The following ACACB variants were observed in gnomAD, a reference collection of about 807,000 sequenced individuals.
ACACB encodes acetyl-CoA carboxylase beta, also known as acetyl-CoA carboxylase 2.
In ACACB, 209 loss-of-function variants were observed where a neutral mutation model predicts 278.8. The ratio of observed to expected loss-of-function variants is 0.75; its 90% CI spans 0.67 to 0.84. The LOEUF is 0.84. ACACB is among the 40% of genes least tolerant of loss of function. The pLI is 0.00. For synonymous variants in ACACB, 1,174 were observed against 1,285.6 expected (o/e 0.91, Z 1.86); for missense variants, 2,850 against 3,269.0 (o/e 0.87, Z 3.13).
At chr12:109,215,278 G>GTT (rs530444723) in intron 22 of ACACB, among the ~76,000 whole-genome samples, 1 of 147,254 alleles carries the variant, frequency 6.8e-6, no homozygotes, top group Non-Finnish European at 1.5e-5. Context: ...AATCTATGAA[G>GTT]TTTTTTTTTT....
intron 26 of ACACB, among the ~76,000 whole-genome samples, 169 bp downstream of exon 26, chr12:109,223,081 C>T (rs1157236023): frequency 6.6e-6 from 1 of 152,096 alleles, no homozygotes; most frequent in Non-Finnish European, 1.5e-5. Flanking sequence ...CGAGGGGTCA[C>T]CTGGGGAGAC....
chr12:109,260,199 T>A, intron 47 of ACACB: 1 of 1,420,950 alleles, frequency 7.0e-7, no homozygotes, highest in South Asian at 1.1e-5. Context: ...GCAGGGACAG[T>A]CATGGGTGAG....
chr12:109,208,038 T>G (rs1319526402), intron 20 of ACACB, among the ~76,000 whole-genome samples: 2 of 152,004 alleles, frequency 1.3e-5, no homozygotes, highest in African/African-American at 4.8e-5. Context: ...ACCGATAAGG[T>G]AGGAACTCTT....
At chr12:109,133,015 T>G (rs2042869043) in intron 1 of ACACB, among the ~76,000 whole-genome samples, 1 of 152,050 alleles carries the variant, frequency 6.6e-6, no homozygotes, top group African/African-American at 2.4e-5. Context: ...CCACTCACCT[T>G]CTCTCTCCAC....
chr12:109,158,070 G>GACAT (rs1298018941), intron 2 of ACACB, among the ~76,000 whole-genome samples: 1 of 152,148 alleles, frequency 6.6e-6, no homozygotes. Flanking sequence ...CTACCCCCTA[G>GACAT]ACATGCTGAT....
At position 109,167,621 on chromosome 12, in the gene ACACB, GTATATATA is replaced by G. The variant is rs1216217057; in HGVS notation, c.787-249_787-242del. Among the ~76,000 whole-genome samples, 225 of 77,528 alleles carry G rather than the reference GTATATATA, an allele frequency of 2.9e-3. 4 individuals carry two copies. The highest frequency in any genetic ancestry group is 8.2e-3 in the African/African-American group (162 of 19,744). The allele number at this position is 77,528 out of a possible 152,430, so 50.9% of individuals were successfully genotyped here. A position where few individuals can be genotyped will look rare whatever the true frequency, so the allele number is the denominator to read the frequency against. On this transcript the variant is annotated intron_variant, in intron 3 of 52. Coordinates refer to ENST00000338432, the MANE Select transcript of ACACB (RefSeq NM_001093.4). The stretch of plus-strand genomic sequence containing the variant: ...CTCAAAAAAAAAAATATATGTATGT[GTATATATA>G]TATATATATATATATATATATATAT...
chr12:109,190,763 G>A (rs1203570525), intron 13 of ACACB, among the ~76,000 whole-genome samples: 2 of 151,930 alleles, frequency 1.3e-5, no homozygotes, highest in African/African-American at 4.8e-5. Context: ...GAGTAGCTGG[G>A]ACTACAGTCA....
chr12:109,214,500 A>G (rs1223031585), intron 22 of ACACB, among the ~76,000 whole-genome samples: 1 of 152,226 alleles, frequency 6.6e-6, no homozygotes, highest in African/African-American at 2.4e-5. Context: ...ATAGACTGCT[A>G]ACCTTAAGCC....
rs147920281 is a variant in ACACB, at chr12:109,202,409, G to T, written c.2913+708G>T. Among the ~76,000 whole-genome samples, 412 of 152,082 alleles carry T rather than the reference G, an allele frequency of 2.7e-3. 3 individuals are homozygous for T. The highest frequency in any genetic ancestry group is 9.8e-3 in the African/African-American group (407 of 41,476). ...GACTCACTGCAACCTCTGCCTCCCT[G>T]GTTCAAGTGATTCTTCTGCCTCAGC... On this transcript the variant is annotated intron_variant, in intron 19 of 52. Coordinates refer to ENST00000338432, the MANE Select transcript of ACACB (RefSeq NM_001093.4).
At position 109,197,130 on chromosome 12, in the gene ACACB, C is replaced by A. The variant is rs1285178790; in HGVS notation, c.2604C>A (p.Thr868=). 1 of 1,605,218 alleles carries A rather than the reference C, an allele frequency of 6.2e-7. No homozygotes were observed. The highest frequency in any genetic ancestry group is 1.3e-5 in the African/African-American group (1 of 74,390). ...CCTACAATGGGAACAGCTACACCAC[C>A]TACATGAAGGAAGAGGTTGACAGGT... ...LLSYNGNSYT[T]YMKEEVDSYR... is the part of the protein sequence containing the mutation. The change falls in exon 17 of 53, where the codon ACC becomes ACA. Residue 868 remains threonine, a synonymous_variant. Transcript: ENST00000338432.
intron 1 of ACACB, among the ~76,000 whole-genome samples, chr12:109,123,041 C>T (rs1387156203): frequency 2.0e-5 from 3 of 151,874 alleles, no homozygotes; most frequent in Non-Finnish European, 4.4e-5. Context: ...ATTAGCCGGG[C>T]GTGGTGGCAG....
At chr12:109,257,752 G>T (rs1041128116) in intron 45 of ACACB, among the ~76,000 whole-genome samples, 2 of 151,856 alleles carry the variant, frequency 1.3e-5, no homozygotes, top group Non-Finnish European at 2.9e-5. Flanking sequence ...TTTATTTTTT[G>T]CAGATACAGG....
At chr12:109,194,056 C>T (rs138064281) in intron 16 of ACACB, among the ~76,000 whole-genome samples, 116 of 152,244 alleles carry the variant, frequency 7.6e-4, no homozygotes, top group African/African-American at 2.4e-3. Context: ...GAGGTGTTGG[C>T]GGGCCGTGGT....
intron 44 of ACACB, 33 bp downstream of exon 44, chr12:109,254,367 T>C: frequency 6.3e-7 from 1 of 1,578,000 alleles, no homozygotes; most frequent in Middle Eastern, 1.7e-4. Flanking sequence ...TAGGACCTGG[T>C]CTCGGGTTTC....
chr12:109,113,669 C>T (rs1374691419), upstream of ACACB, among the ~76,000 whole-genome samples: 1 of 152,132 alleles, frequency 6.6e-6, no homozygotes, highest in East Asian at 1.9e-4. Context: ...TCACTTTCTG[C>T]TTCAGTTTGC....
At chr12:109,245,926 A>C (rs759751123) in intron 38 of ACACB, among the ~76,000 whole-genome samples, 178 bp downstream of exon 38, 1 of 152,126 alleles carries the variant, frequency 6.6e-6, no homozygotes, top group Admixed American at 6.5e-5. Context: ...CTGTCTCTAC[A>C]TAAAATTTTA....
At chr12:109,263,674 G>A (rs111432950) in intron 49 of ACACB, 1 of 152,154 alleles carries the variant, frequency 6.6e-6, no homozygotes, top group Non-Finnish European at 1.5e-5. Context: ...GTTTTTGATA[G>A]AGGTTTTTAC....
At chr12:109,226,699 CAAAAAAAAAAA>C (rs531983826) in intron 27 of ACACB, among the ~76,000 whole-genome samples, 9 of 74,210 alleles carry the variant, frequency 1.2e-4, no homozygotes, top group African/African-American at 3.3e-4. Context: ...AACTCCATCT[CAAAAAAAAAAA>C]AAAAAAAAAG....
chr12:109,144,087 T>A (rs2043182802), intron 2 of ACACB, among the ~76,000 whole-genome samples: 1 of 151,590 alleles, frequency 6.6e-6, no homozygotes, highest in Admixed American at 6.6e-5. Context: ...CTGAGGTGGG[T>A]GGATTGCCTG....
Sources: allele counts gnomAD v4.1 joint callset (sites outside exome capture counted in the v4.1 genomes callset), GRCh38; gene constraint gnomAD v4.1.1; transcripts MANE v1.5; gene names NCBI Gene and HGNC (gene_info 2026-07-23, HGNC 2026-07-21).